NRXN3: variants seen among roughly 807,000 people sequenced by gnomAD.
NRXN3 encodes the protein neurexin 3, also known as neurexin III.
NRXN3 carries 32 observed loss-of-function variants against 137.6 expected under a neutral mutation model. The observed-to-expected ratio is 0.23, with a 90% CI of 0.18 to 0.31. NRXN3 has a LOEUF of 0.31. Among genes scored for constraint, NRXN3 ranks in the 10% least tolerant of loss-of-function variants. The pLI is 1.00. For synonymous variants in NRXN3, 798 were observed against 784.5 expected, an observed-to-expected ratio of 1.02 and a Z score of -0.29; for missense variants, 1,574 against 2,062.5, an observed-to-expected ratio of 0.76 and a Z score of 4.59.
chr14:78,331,324 A>G (rs1361370078), intron 4 of NRXN3, among the ~76,000 whole-genome samples: 4 of 152,196 alleles, frequency 2.6e-5, no homozygotes, highest in Non-Finnish European at 4.4e-5. Flanking sequence ...GCTACTGAGC[A>G]CTGTCTTTAA....
intron 15 of NRXN3, among the ~76,000 whole-genome samples, chr14:79,439,812 T>C (rs1452936969): frequency 6.6e-6 from 1 of 152,210 alleles, no homozygotes; most frequent in East Asian, 1.9e-4. Context: ...TACTTGACAA[T>C]GGATGTGAAA....
intron 15 of NRXN3, among the ~76,000 whole-genome samples, chr14:79,241,804 C>T (rs572411745): frequency 2.6e-5 from 4 of 152,218 alleles, no homozygotes; most frequent in South Asian, 2.1e-4. Flanking sequence ...TGGTGGCTCA[C>T]GCCTGTAATC....
intron 16 of NRXN3, among the ~76,000 whole-genome samples, chr14:79,499,956 C>CTT (rs60538373): frequency 3.6e-4 from 53 of 145,234 alleles, no homozygotes; most frequent in African/African-American, 1.3e-3. Flanking sequence ...ATCTTAGGGT[C>CTT]GTGTGTGTGT....
At chr14:79,507,990 G>A (rs2096894213) in intron 16 of NRXN3, among the ~76,000 whole-genome samples, 1 of 152,050 alleles carries the variant, frequency 6.6e-6, no homozygotes, top group Non-Finnish European at 1.5e-5. Flanking sequence ...GGGTTATTGG[G>A]TTGAGCAAAT....
intron 6 of NRXN3, among the ~76,000 whole-genome samples, chr14:78,702,527 C>G (rs1399429837): frequency 6.8e-6 from 1 of 147,820 alleles, no homozygotes; most frequent in South Asian, 2.1e-4. Context: ...TCACTGCAAC[C>G]TCCACCTCCG....
At chr14:78,454,268 C>T (rs1049591385) in intron 4 of NRXN3, among the ~76,000 whole-genome samples, 1 of 151,934 alleles carries the variant, frequency 6.6e-6, no homozygotes, top group African/African-American at 2.4e-5. Flanking sequence ...AGCTCTCAAC[C>T]TTCACCATAC....
At chr14:78,755,190 ATTTTTTTTTT>A (rs34214778) in intron 8 of NRXN3, among the ~76,000 whole-genome samples, 1 of 131,586 alleles carries the variant, frequency 7.6e-6, no homozygotes, top group Non-Finnish European at 1.7e-5. Context: ...TAGTTTTTGT[ATTTTTTTTTT>A]TTTTTTTTTA....
At chr14:78,408,117 T>G (rs767471073) in intron 4 of NRXN3, among the ~76,000 whole-genome samples, 31 of 152,270 alleles carry the variant, frequency 2.0e-4, no homozygotes, top group Non-Finnish European at 4.3e-4. Flanking sequence ...CTCATGAAGA[T>G]GTTTAACAAG....
intron 16 of NRXN3, among the ~76,000 whole-genome samples, chr14:79,556,819 G>A (rs1313916532): frequency 6.6e-6 from 1 of 152,278 alleles, no homozygotes; most frequent in Admixed American, 6.5e-5. Flanking sequence ...GCCTCCTAAA[G>A]TTCTGGGATT....
At chr14:78,695,682 G>A (rs1463668390) in intron 6 of NRXN3, 1 of 152,000 alleles carries the variant, frequency 6.6e-6, no homozygotes, top group Non-Finnish European at 1.5e-5. Flanking sequence ...GGCTGTTGTG[G>A]GTAGATTGTG....
chr14:79,719,374 A>ATATATGTGTGTG lies in NRXN3; in HGVS notation c.4014+21442_4014+21443insGTGTGTGTATAT, dbSNP rs1425650870. Among the ~76,000 whole-genome samples the ATATATGTGTGTG allele has an allele frequency of 3.3e-3, 467 of 142,728 alleles. 4 individuals are homozygous for ATATATGTGTGTG. The highest frequency in any genetic ancestry group is 0.012 in the African/African-American group (445 of 35,832). The allele number at this position is 142,728 out of a possible 152,430, so 93.6% of individuals were successfully genotyped here. On this transcript the variant is annotated intron_variant, in intron 19 of 20. Coordinates refer to ENST00000335750, the MANE Select transcript of NRXN3 (RefSeq NM_001330195.2). Reference sequence around the variant, plus strand: ...ATATATGTGTATTGTGTGTATGTGTATATATATGTGTGTGTATATATATGT... The same window carrying ATATATGTGTGTG: ...ATATATGTGTATTGTGTGTATGTGTATATATGTGTGTGTATATATGTGTGTGTATATATATGT...
intron 15 of NRXN3, among the ~76,000 whole-genome samples, chr14:79,160,601 T>C (rs779599638): frequency 2.6e-5 from 4 of 151,942 alleles, no homozygotes; most frequent in Non-Finnish European, 4.4e-5. Context: ...GTAGGTGCTG[T>C]ATAAAATCAC....
At chr14:78,519,116 G>A (rs909107339) in intron 4 of NRXN3, among the ~76,000 whole-genome samples, 3 of 152,090 alleles carry the variant, frequency 2.0e-5, no homozygotes, top group African/African-American at 7.2e-5. Context: ...ATAGATCAGA[G>A]TAGATGAATA....
At chr14:79,411,669 T>A (rs954673871) in intron 15 of NRXN3, among the ~76,000 whole-genome samples, 7 of 152,134 alleles carry the variant, frequency 4.6e-5, no homozygotes, top group Non-Finnish European at 1.0e-4. Context: ...TGTAGTAGAG[T>A]CATAATTAGA....
chr14:79,710,536 C>T (rs911259028), intron 19 of NRXN3, among the ~76,000 whole-genome samples: 3 of 152,120 alleles, frequency 2.0e-5, no homozygotes, highest in South Asian at 2.1e-4. Flanking sequence ...TAACACGTGT[C>T]TACTGATAAA....
chr14:78,764,069 A>G (rs2098701091), intron 8 of NRXN3, among the ~76,000 whole-genome samples: 1 of 152,140 alleles, frequency 6.6e-6, no homozygotes, highest in African/African-American at 2.4e-5. Context: ...GCACTCAGTA[A>G]CTTACCCAAG....
At chr14:79,336,179 T>G (rs149188651) in intron 15 of NRXN3, among the ~76,000 whole-genome samples, 304 of 152,276 alleles carry the variant, frequency 2.0e-3, no homozygotes, top group African/African-American at 7.1e-3. Flanking sequence ...CAGGGACTAA[T>G]TAATAGCTAT....
chr14:79,609,689 AT>A (rs2098074338), intron 16 of NRXN3, among the ~76,000 whole-genome samples: 3 of 152,196 alleles, frequency 2.0e-5, no homozygotes. Flanking sequence ...GATTTCATTA[AT>A]TTATACAGTC....
intron 4 of NRXN3, among the ~76,000 whole-genome samples, chr14:78,459,338 A>G (rs1349312841): frequency 7.9e-5 from 12 of 152,186 alleles, no homozygotes; most frequent in Non-Finnish European, 1.0e-4. Context: ...TGTCTATCTC[A>G]TGGAGATATT....
Sources: allele counts gnomAD v4.1 joint callset (sites outside exome capture counted in the v4.1 genomes callset), GRCh38; gene constraint gnomAD v4.1.1; transcripts MANE v1.5; gene names NCBI Gene and HGNC (gene_info 2026-07-23, HGNC 2026-07-21).